The following SGCD variants were observed in gnomAD, a reference collection of about 807,000 sequenced individuals.
The protein encoded by SGCD is sarcoglycan delta.
A neutral mutation model predicts 36.6 loss-of-function variants in SGCD; 18 were observed. The ratio of observed to expected loss-of-function variants is 0.49; its 90% CI spans 0.34 to 0.73. SGCD has a LOEUF of 0.73. Among genes scored for constraint, SGCD ranks in the 30% least tolerant of loss-of-function variants. The probability of loss-of-function intolerance (pLI) is 0.01; values close to 1 mark genes in which losing one functional copy is unlikely to be tolerated. For synonymous variants in SGCD, 133 were observed against 130.6 expected (o/e 1.02, Z -0.12); for missense variants, 387 against 346.7 (o/e 1.12, Z -0.92).
chr5:156,469,822 T>A (rs1209722610), intron 3 of SGCD, among the ~76,000 whole-genome samples: 1 of 152,178 alleles, frequency 6.6e-6, no homozygotes, highest in African/African-American at 2.4e-5. Flanking sequence ...TAATGAATAC[T>A]TGGTTTGACT....
At chr5:155,838,775 C>CAA in the SGCD span, among the ~76,000 whole-genome samples, 75 of 118,296 alleles carry the variant, frequency 6.3e-4, no homozygotes, top group Admixed American at 2.6e-3. Flanking sequence ...AAGAGATTTG[C>CAA]AAAAAAAAAA....
At chr5:156,160,069 A>G (rs541435776) in intron 3 of SGCD, among the ~76,000 whole-genome samples, 4 of 151,752 alleles carry the variant, frequency 2.6e-5, no homozygotes, top group Non-Finnish European at 4.4e-5. Flanking sequence ...TAATTCACGA[A>G]CTGAAATCTG....
At chr5:156,243,785 A>G (rs1322939113) in intron 3 of SGCD, among the ~76,000 whole-genome samples, 1 of 152,212 alleles carries the variant, frequency 6.6e-6, no homozygotes, top group Admixed American at 6.5e-5. Context: ...CAAGTGCTCA[A>G]ATAGTCATGG....
At chr5:155,760,032 A>T in the SGCD span, among the ~76,000 whole-genome samples, 6 of 152,132 alleles carry the variant, frequency 3.9e-5, no homozygotes, top group Admixed American at 3.9e-4. Flanking sequence ...ATCATAATAA[A>T]TTTGAGATGT....
chr5:156,758,330 C>G (rs957202166), intron 8 of SGCD, among the ~76,000 whole-genome samples: 1 of 151,908 alleles, frequency 6.6e-6, no homozygotes, highest in Non-Finnish European at 1.5e-5. Flanking sequence ...TTTAAAAATG[C>G]CTTCAAAGTG....
chr5:156,523,020 G>A (rs1757479784), intron 4 of SGCD, among the ~76,000 whole-genome samples: 1 of 152,102 alleles, frequency 6.6e-6, no homozygotes, highest in African/African-American at 2.4e-5. Context: ...TTAGCATGAT[G>A]TCAATTGAGA....
intron 7 of SGCD, among the ~76,000 whole-genome samples, chr5:156,651,608 T>C (rs1366854716): frequency 1.3e-5 from 2 of 152,118 alleles, no homozygotes; most frequent in East Asian, 3.9e-4. Flanking sequence ...TAAATAGCTA[T>C]AGGTATGAGA....
At chr5:156,726,021 CA>C (rs1755756395) in intron 7 of SGCD, among the ~76,000 whole-genome samples, 1 of 152,174 alleles carries the variant, frequency 6.6e-6, no homozygotes. Context: ...AAATTCTAGT[CA>C]TCTCCAAAGC....
Position 156,767,239 on chromosome 5 carries a change from T to C in SGCD, c.*7849T>C, listed in dbSNP as rs946200186. ...AAATTTAGTGAACACAAAATTAATT[T>C]TTATCTAGTCTGTGACGGAGGGAAT... On this transcript the variant is annotated 3_prime_UTR_variant, in exon 9 of 9. Transcript: ENST00000337851. 2.0e-5 allele frequency: 3 copies of C among 152,152 alleles called. No individual in the cohort carries two copies. The highest frequency in any genetic ancestry group is 7.2e-5 in the African/African-American group (3 of 41,422). The allele number at this position is 152,152 out of a possible 1,614,324, so 9.4% of individuals were successfully genotyped here. A position where few individuals can be genotyped will look rare whatever the true frequency, so the allele number is the denominator to read the frequency against.
the SGCD span, among the ~76,000 whole-genome samples, chr5:155,798,836 G>C: frequency 6.6e-6 from 1 of 152,156 alleles, no homozygotes. Flanking sequence ...AAAACATACT[G>C]TTTCCCCATG....
At chr5:156,326,978 G>A (rs1026798419), upstream of SGCD, 7 of 152,314 alleles carry the variant, frequency 4.6e-5, no homozygotes, top group African/African-American at 1.4e-4. Flanking sequence ...GTCTGACAAA[G>A]CCATATTGAA....
chr5:156,596,598 C>T (rs1178837992), intron 6 of SGCD, among the ~76,000 whole-genome samples: 1 of 152,076 alleles, frequency 6.6e-6, no homozygotes, highest in Non-Finnish European at 1.5e-5. Context: ...TCTTTATCTT[C>T]CATTACTCCT....
rs1467451636 is a variant in SGCD, at chr5:156,513,544, G to A, written c.294+4842G>A. Among the ~76,000 whole-genome samples, 8 of 152,140 alleles carry A rather than the reference G, an allele frequency of 5.3e-5. No homozygotes were observed. In the East Asian group the frequency reaches 1.5e-3, roughly 29 times the overall value. ...TGCTTTTCCTATTGAAAAGAGATCAGTGTCCAGTTGAGCAAGATTAGTCAA... is the reference window on the plus strand; with the variant it reads ...TGCTTTTCCTATTGAAAAGAGATCAATGTCCAGTTGAGCAAGATTAGTCAA... On this transcript the variant is annotated intron_variant, in intron 4 of 8. Coordinates refer to ENST00000337851, the MANE Select transcript of SGCD (RefSeq NM_000337.6).
At chr5:155,793,211 C>G in the SGCD span, among the ~76,000 whole-genome samples, 2 of 152,090 alleles carry the variant, frequency 1.3e-5, no homozygotes, top group Non-Finnish European at 2.9e-5. Context: ...ATTGAACATG[C>G]TTGGACATAA....
the SGCD span, among the ~76,000 whole-genome samples, chr5:155,755,657 G>A: frequency 6.7e-6 from 1 of 149,180 alleles, no homozygotes; most frequent in African/African-American, 2.6e-5. Flanking sequence ...TGCCCCTGGG[G>A]TAGGCTGGAT....
chr5:156,621,695 A>G (rs756580747), intron 6 of SGCD, among the ~76,000 whole-genome samples: 8 of 152,262 alleles, frequency 5.3e-5, no homozygotes, highest in Non-Finnish European at 1.0e-4. Flanking sequence ...AATGTGGAGT[A>G]GCTATTTTGA....
intron 6 of SGCD, among the ~76,000 whole-genome samples, chr5:156,637,667 A>G (rs577361873): frequency 1.3e-5 from 2 of 152,214 alleles, no homozygotes; most frequent in South Asian, 2.1e-4. Flanking sequence ...GCTCCCATAA[A>G]TAATACTAGG....
chr5:155,840,243 C>CT, the SGCD span, among the ~76,000 whole-genome samples: 201 of 142,122 alleles, frequency 1.4e-3, no homozygotes, highest in South Asian at 2.4e-3. Context: ...TTTGTTTTGC[C>CT]TTTTTTTTTT....
At position 156,594,875 on chromosome 5, in the gene SGCD, T is replaced by TTC. The variant is rs138491950; in HGVS notation, c.383-42_383-41dup. On this transcript the variant is annotated intron_variant, in intron 5 of 8. Transcript: ENST00000337851. ...TCAAAGCGATGAGACTAATGGTGTT[T>TTC]TCTCTCTCTCTCTCTCCTCTCTCCT... 4.3e-3 allele frequency: 4,936 copies of TTC among 1,154,758 alleles called. 18 individuals are homozygous for TTC. The highest frequency in any genetic ancestry group is 5.8e-3 in the Non-Finnish European group (4,606 of 789,902). 71.5% of individuals were successfully genotyped at this position (1,154,758 alleles called of 1,614,324 possible). A position where few individuals can be genotyped will look rare whatever the true frequency, so the allele number is the denominator to read the frequency against.
Sources: allele counts gnomAD v4.1 joint callset (sites outside exome capture counted in the v4.1 genomes callset), GRCh38; gene constraint gnomAD v4.1.1; transcripts MANE v1.5; gene names NCBI Gene and HGNC (gene_info 2026-07-23, HGNC 2026-07-21).